ANLN: variants seen among roughly 807,000 people sequenced by gnomAD.
ANLN encodes the protein anillin, actin binding protein, also known as anillin.
In ANLN, 59 loss-of-function variants were observed where a neutral mutation model predicts 135.1. The observed-to-expected ratio is 0.44, with a 90% confidence interval of 0.35 to 0.54. The LOEUF is 0.54. ANLN is among the 20% of genes least tolerant of loss of function. The pLI, the probability that ANLN is intolerant of heterozygous loss-of-function variation, is 0.00. For missense variants in ANLN, 1,182 were observed against 1,340.0 expected (o/e 0.88, Z 1.84); for synonymous variants, 406 against 456.4 (o/e 0.89, Z 1.41).
At chr7:36,411,236 A>G in intron 7 of ANLN, 70 bp downstream of exon 7, 3 of 1,220,016 alleles carry the variant, frequency 2.5e-6, no homozygotes, top group East Asian at 2.5e-5. Flanking sequence ...GTAGTTCTGT[A>G]TTGGCAAATA....
Position 36,449,687 on chromosome 7 carries a change from T to G in ANLN, c.3101T>G (p.Leu1034Arg). Residue 1034 changes from leucine to arginine, a missense_variant, in exon 23 of 24, where the codon CTG becomes CGG. Leu to Arg is a moderately radical substitution (Grantham distance 102). Around this residue, in one of 3 missense-constraint regions of ANLN, gnomAD observed 82 missense variants for 133.3 expected, o/e 0.62. Coordinates refer to ENST00000265748, the MANE Select transcript of ANLN (RefSeq NM_018685.5). Reference sequence around the variant, plus strand: ...AAGAATCCCATAGGAAGGATAAATCTGGCTAATTGTACCAGTCGTCAGATA... The same window carrying G: ...AAGAATCCCATAGGAAGGATAAATCGGGCTAATTGTACCAGTCGTCAGATA... The part of the protein sequence containing the change: ...KRKNPIGRIN[L>R]ANCTSRQIEP... 1 of 1,613,318 alleles carries G rather than the reference T, an allele frequency of 6.2e-7. No individual in the cohort carries two copies. Among genetic ancestry groups the G allele is most frequent in the South Asian group, 1.1e-5 (1 of 90,916 alleles).
intron 21 of ANLN, among the ~76,000 whole-genome samples, chr7:36,442,422 C>T (rs1788810994): frequency 1.3e-5 from 2 of 152,134 alleles, no homozygotes; most frequent in South Asian, 4.1e-4. Flanking sequence ...GATCTGCTTA[C>T]TTAGCATCTG....
At chr7:36,412,323 ATATATTTT>A (rs1336421436) in intron 7 of ANLN, among the ~76,000 whole-genome samples, 2,525 of 117,560 alleles carry the variant, frequency 0.021, 35 homozygotes, top group Middle Eastern at 0.045. Flanking sequence ...ATATATATAT[ATATATTTT>A]TTTTTTTTTT....
intron 17 of ANLN, 76 bp downstream of exon 17, chr7:36,424,818 T>G: frequency 7.0e-7 from 1 of 1,426,002 alleles, no homozygotes; most frequent in Non-Finnish European, 9.5e-7. Flanking sequence ...TTAATTTATG[T>G]ACAACTTTTA....
At chr7:36,416,002 T>C in intron 8 of ANLN, 118 bp downstream of exon 8, 1 of 878,698 alleles carries the variant, frequency 1.1e-6, no homozygotes, top group Non-Finnish European at 1.7e-6. Context: ...TTGGGGGGAA[T>C]CTTTAGGGTT....
At chr7:36,440,292 A>G (rs1788713142) in intron 21 of ANLN, among the ~76,000 whole-genome samples, 1 of 152,228 alleles carries the variant, frequency 6.6e-6, no homozygotes, top group Non-Finnish European at 1.5e-5. Context: ...AGAGAAACGG[A>G]GAATCTAGCA....
intron 20 of ANLN, among the ~76,000 whole-genome samples, 195 bp downstream of exon 20, chr7:36,427,223 C>T (rs1788120601): frequency 6.7e-6 from 1 of 150,212 alleles, no homozygotes; most frequent in African/African-American, 2.5e-5. Flanking sequence ...AGTATGTCTC[C>T]CTTTTAATAG....
chr7:36,434,283 C>G (rs1044019899), intron 20 of ANLN, among the ~76,000 whole-genome samples: 2 of 152,176 alleles, frequency 1.3e-5, no homozygotes, highest in Non-Finnish European at 2.9e-5. Context: ...TTGAGCAGAA[C>G]TTTGAGATCT....
chr7:36,412,323 ATATATT>A (rs1435314631), intron 7 of ANLN, among the ~76,000 whole-genome samples: 3 of 117,708 alleles, frequency 2.5e-5, no homozygotes, highest in African/African-American at 1.0e-4. Context: ...ATATATATAT[ATATATT>A]TTTTTTTTTT....
In ANLN at chr7:36,410,661, A is replaced by T; in HGVS notation, c.1244A>T (p.Asp415Val). Residue 415 changes from aspartate (D) to valine (V), a missense_variant, in exon 6 of 24, where the codon GAC (aspartate) becomes GTC (valine). This residue lies in a region of ANLN where 1,022 missense variants were observed against 1,134.0 expected (regional missense o/e 0.90). Coordinates refer to ENST00000265748, the MANE Select transcript of ANLN (RefSeq NM_018685.5). ...ATCCAAGAAAGATTATTCAAGCAAG[A>T]CACATCTTCATCTACTACCCATTTA... is the stretch of plus-strand genomic sequence containing the variant. Reference protein sequence around the residue: ...KAIQERLFKQDTSSSTTHLAQ... With the variant: ...KAIQERLFKQVTSSSTTHLAQ... 1 of 1,614,148 alleles carries T rather than the reference A, an allele frequency of 6.2e-7. No individual in the cohort carries two copies. The highest frequency in any genetic ancestry group is 8.5e-7 in the Non-Finnish European group (1 of 1,180,004).
At position 36,401,463 on chromosome 7, in the gene ANLN, C is replaced by T. The variant is rs550494689; in HGVS notation, c.487+2070C>T. Among the ~76,000 whole-genome samples the T allele has an allele frequency of 5.9e-3, 895 of 152,262 alleles. 2 individuals are homozygous for T. Among genetic ancestry groups the T allele is most frequent in the Non-Finnish European group, 8.6e-3 (588 of 68,016 alleles). On this transcript the variant is annotated intron_variant, in intron 3 of 23. Coordinates refer to ENST00000265748, the MANE Select transcript of ANLN (RefSeq NM_018685.5). The stretch of plus-strand genomic sequence containing the variant: ...AAGCAGTTCTCCTGCCTCAGCCTCC[C>T]GAGTGGCTGGGATTACAGGCACATG...
At chr7:36,445,810 G>C (rs994093846) in intron 22 of ANLN, among the ~76,000 whole-genome samples, 4 of 152,152 alleles carry the variant, frequency 2.6e-5, no homozygotes, top group African/African-American at 7.2e-5. Flanking sequence ...TCTCAAAAGT[G>C]GTTGTACGAT....
chr7:36,413,588 C>T (rs1562796993), intron 7 of ANLN, among the ~76,000 whole-genome samples: 1 of 152,312 alleles, frequency 6.6e-6, no homozygotes, highest in East Asian at 1.9e-4. Flanking sequence ...TGCACATATG[C>T]ATGTAAACAA....
At chr7:36,450,321 G>A (rs1789192147) in intron 23 of ANLN, among the ~76,000 whole-genome samples, 1 of 152,208 alleles carries the variant, frequency 6.6e-6, no homozygotes, top group Admixed American at 6.5e-5. Flanking sequence ...GATCTCAAGT[G>A]TAAGATACGA....
At chr7:36,414,384 G>A (rs78311589) in intron 7 of ANLN, among the ~76,000 whole-genome samples, 3,004 of 152,300 alleles carry the variant, frequency 0.02, 46 homozygotes, top group Middle Eastern at 0.054. Context: ...GAGAATGGAT[G>A]AACTCCGCAC....
chr7:36,396,903 T>C (rs1255520978), intron 2 of ANLN, among the ~76,000 whole-genome samples: 2 of 152,068 alleles, frequency 1.3e-5, no homozygotes, highest in African/African-American at 4.8e-5. Context: ...AGGTTGTTAA[T>C]CTCCAGAAGT....
At chr7:36,427,889 T>C (rs1242265048) in intron 20 of ANLN, among the ~76,000 whole-genome samples, 2 of 152,290 alleles carry the variant, frequency 1.3e-5, no homozygotes, top group Non-Finnish European at 2.9e-5. Flanking sequence ...CAAATTTTAT[T>C]TCTTGGGTTG....
rs760432958 is a variant in ANLN at position 36,414,763 on chromosome 7, A to G, written c.1396-995A>G. ...TGCATGCTAATTACATTGTTTTTAC[A>G]CAACCAAAGCTGCTTCTAACTTGAG... On this transcript the variant is annotated intron_variant, in intron 7 of 23. Coordinates refer to ENST00000265748, the MANE Select transcript of ANLN (RefSeq NM_018685.5). Among the ~76,000 whole-genome samples, 75 of 152,218 alleles carry G rather than the reference A, an allele frequency of 4.9e-4. 2 individuals carry two copies. The highest frequency in any genetic ancestry group is 1.4e-3 in the Admixed American group (22 of 15,280).
At chr7:36,396,515 T>C (rs1786707403) in intron 2 of ANLN, 96 bp downstream of exon 2, 1 of 1,241,572 alleles carries the variant, frequency 8.1e-7, no homozygotes, top group Non-Finnish European at 1.1e-6. Flanking sequence ...AGAACCAAGC[T>C]CTTTGGGAGA....
Sources: gnomAD v4.1 joint callset for allele counts (sites outside exome capture counted in the v4.1 genomes callset) on GRCh38, gnomAD v4.1.1 for gene constraint, gnomAD v4.1.1 regional missense constraint, MANE v1.5 for transcripts, NCBI Gene and HGNC (gene_info 2026-07-23, HGNC 2026-07-21) for gene names.